The following NXPE1 variants were observed in gnomAD, a reference collection of about 807,000 sequenced individuals.
The protein encoded by NXPE1 is NXPE family member 1.
In NXPE1, 31 loss-of-function variants were observed where a neutral mutation model predicts 33.3. The observed-to-expected ratio is 0.93, with a 90% CI of 0.70 to 1.26. The LOEUF (loss-of-function observed/expected upper bound fraction) is 1.26, where lower values mean the gene tolerates loss of function less well. NXPE1 is among the 50% of genes most tolerant of loss of function. The probability of loss-of-function intolerance (pLI) is 0.00; values close to 1 mark genes in which losing one functional copy is unlikely to be tolerated. For missense variants in NXPE1, 661 were observed against 655.6 expected, an observed-to-expected ratio of 1.01 and a Z score of -0.09; for synonymous variants, 229 against 231.4, an observed-to-expected ratio of 0.99 and a Z score of 0.09.
chr11:114,545,517 G>T (rs1215981969), intron 5 of NXPE1, among the ~76,000 whole-genome samples: 1 of 152,132 alleles, frequency 6.6e-6, no homozygotes, highest in South Asian at 2.1e-4. Context: ...GAAAAAGGTG[G>T]TTCTATAGAG....
chr11:114,528,928 C>T, intron 6 of NXPE1: 1 of 502,762 alleles, frequency 2.0e-6, no homozygotes, highest in Non-Finnish European at 3.7e-6. Context: ...GATGTACCAT[C>T]AGAGATAAAA....
intron 5 of NXPE1, among the ~76,000 whole-genome samples, chr11:114,534,492 A>G (rs551399052): frequency 1.7e-4 from 26 of 152,358 alleles, no homozygotes; most frequent in African/African-American, 5.8e-4. Flanking sequence ...ACTCTGAGCT[A>G]AAGGAGGAAG....
At chr11:114,520,038 G>A (rs192585422), downstream of NXPE1, among the ~76,000 whole-genome samples, 5 of 151,818 alleles carry the variant, frequency 3.3e-5, no homozygotes, top group Non-Finnish European at 5.9e-5. Flanking sequence ...TCCTGACCTC[G>A]TGATCCTCCC....
Position 114,524,312 on chromosome 11 carries a change from T to C in NXPE1, c.896-1221A>G, listed in dbSNP as rs185016247. On this transcript the variant is annotated intron_variant, in intron 7 of 8. Coordinates refer to ENST00000534921, the Ensembl canonical transcript of NXPE1. ...CTAAAGAAGGAGAAGGCAGTGAGTA[T>C]TGGGGAACCATCAGCAGTTTCTGCT... is the stretch of plus-strand genomic sequence containing the variant. Among the ~76,000 whole-genome samples, 541 of 152,318 alleles carry C rather than the reference T, an allele frequency of 3.6e-3. 1 individual carries two copies. Among genetic ancestry groups the C allele is most frequent in the Non-Finnish European group, 6.1e-3 (414 of 68,024 alleles).
intron 5 of NXPE1, among the ~76,000 whole-genome samples, chr11:114,550,554 T>C (rs7937904): frequency 0.23 from 34,626 of 152,028 alleles, 5,583 homozygotes; most frequent in African/African-American, 0.45. Context: ...ATGTCTTATA[T>C]CTTTCAACAG....
At chr11:114,540,570 AT>A (rs1256593510) in intron 5 of NXPE1, among the ~76,000 whole-genome samples, 1 of 151,678 alleles carries the variant, frequency 6.6e-6, no homozygotes, top group East Asian at 1.9e-4. Flanking sequence ...ATGGGAAATA[AT>A]TTTTTTTTAA....
intron 1 of NXPE1, chr11:114,554,482 A>T: frequency 1.7e-6 from 1 of 603,968 alleles, no homozygotes; most frequent in Non-Finnish European, 2.1e-6. Flanking sequence ...CAAATACATA[A>T]AATAAAATGT....
At chr11:114,519,695 A>T (rs561050676), downstream of NXPE1, among the ~76,000 whole-genome samples, 161 of 152,150 alleles carry the variant, frequency 1.1e-3, no homozygotes, top group African/African-American at 3.8e-3. Context: ...AGTGGTGCAG[A>T]GGCTTCAGAG....
chr11:114,524,343 C>T (rs756193636), intron 7 of NXPE1, among the ~76,000 whole-genome samples: 2 of 152,226 alleles, frequency 1.3e-5, no homozygotes, highest in Non-Finnish European at 2.9e-5. Flanking sequence ...CTGCTTTACC[C>T]TCCTTGCTTA....
chr11:114,558,030 C>T (rs1948698731), intron 1 of NXPE1, among the ~76,000 whole-genome samples: 1 of 152,080 alleles, frequency 6.6e-6, no homozygotes, highest in African/African-American at 2.4e-5. Flanking sequence ...CTAGATCTCT[C>T]AACCCCTCAC....
intron 5 of NXPE1, among the ~76,000 whole-genome samples, chr11:114,531,388 C>T (rs138712794): frequency 1.8e-4 from 27 of 152,072 alleles, no homozygotes; most frequent in African/African-American, 6.0e-4. Context: ...TTCAAGCCAC[C>T]GTCATTTATC....
intron 6 of NXPE1, chr11:114,529,898 T>TTA (rs1468219138): frequency 5.5e-6 from 2 of 363,484 alleles, no homozygotes; most frequent in African/African-American, 4.1e-5. Flanking sequence ...GGAGCATGGA[T>TTA]GTTATCATAC....
intron 5 of NXPE1, among the ~76,000 whole-genome samples, chr11:114,542,330 A>G (rs1216640591): frequency 6.6e-6 from 1 of 152,190 alleles, no homozygotes; most frequent in East Asian, 1.9e-4. Flanking sequence ...TTCTAATGAA[A>G]ACATTAGAAT....
In NXPE1 at chr11:114,540,837, C is replaced by CTTTTTTTT. The variant is rs142403291; in HGVS notation, c.100-9937_100-9930dup. 5.3e-4 allele frequency among the ~76,000 whole-genome samples: 25 copies of CTTTTTTTT among 47,470 alleles called. 9 individuals carry two copies. Among genetic ancestry groups the CTTTTTTTT allele is most frequent in the Non-Finnish European group, 1.1e-3 (23 of 21,470 alleles). 31.1% of individuals were successfully genotyped at this position (47,470 alleles called of 152,430 possible). On this transcript the variant is annotated intron_variant, in intron 5 of 8. Coordinates refer to ENST00000534921, the Ensembl canonical transcript of NXPE1. ...TAGCTAAAACACAATAGAAAGCCAT[C>CTTTTTTTT]TTTTTTTTTTTTTTTTTTTTTTTTT... is the stretch of plus-strand genomic sequence containing the variant.
intron 1 of NXPE1, among the ~76,000 whole-genome samples, chr11:114,556,026 G>A (rs951441849): frequency 1.6e-4 from 25 of 152,130 alleles, no homozygotes; most frequent in African/African-American, 5.6e-4. Flanking sequence ...AGTACCTAAG[G>A]GTGGAATGAC....
At chr11:114,533,613 C>A (rs1591270662) in intron 5 of NXPE1, among the ~76,000 whole-genome samples, 1 of 152,192 alleles carries the variant, frequency 6.6e-6, no homozygotes, top group African/African-American at 2.4e-5. Context: ...CAATGGGCTT[C>A]ACAAACAGCA....
intron 6 of NXPE1, chr11:114,528,886 G>C: frequency 8.2e-6 from 5 of 609,404 alleles, no homozygotes. Flanking sequence ...TTAGGCATAA[G>C]GATGGTTGAT....
At chr11:114,529,889 G>A (rs568964292) in intron 6 of NXPE1, 3 of 337,502 alleles carry the variant, frequency 8.9e-6, no homozygotes, top group African/African-American at 6.3e-5. Context: ...GGAGGTGAAG[G>A]AGCATGGATG....
chr11:114,528,241 T>A (rs932163557), intron 6 of NXPE1, among the ~76,000 whole-genome samples: 3 of 152,210 alleles, frequency 2.0e-5, no homozygotes, highest in Non-Finnish European at 2.9e-5. Context: ...AATAGTTTCC[T>A]TGGATTACTG....
Sources: gnomAD v4.1 joint callset for allele counts (sites outside exome capture counted in the v4.1 genomes callset) on GRCh38, gnomAD v4.1.1 for gene constraint, MANE v1.5 for transcripts, NCBI Gene and HGNC (gene_info 2026-07-23, HGNC 2026-07-21) for gene names.